Variants in CALN1 observed in about 807,000 individuals in gnomAD.
CALN1 encodes calneuron 1.
Under a neutral mutation model 30.6 loss-of-function variants are expected in CALN1, and 17 were observed. That is an observed-to-expected ratio of 0.56 (90% CI 0.38 to 0.83). CALN1 has a LOEUF of 0.83. CALN1 is among the 40% of genes least tolerant of loss of function. The pLI is 0.00. For missense variants in CALN1, 291 were observed against 354.9 expected, an observed-to-expected ratio of 0.82 and a Z score of 1.45; for synonymous variants, 156 against 131.4, an observed-to-expected ratio of 1.19 and a Z score of -1.28.
rs377277054 is a variant in CALN1, at chr7:72,336,467, G to A, written c.120-57657C>T. 2.7e-3 allele frequency among the ~76,000 whole-genome samples: 417 copies of A among 152,104 alleles called. 4 individuals carry two copies. Among genetic ancestry groups the A allele is most frequent in the Admixed American group, 0.025 (377 of 15,290 alleles). The stretch of plus-strand genomic sequence containing the variant: ...CCCCACGTCCCCAGGCAGGCGGCCA[G>A]GAGCCAGCTCCACGGAAGGCAAGGT... On this transcript the variant is annotated intron_variant, in intron 2 of 6. Coordinates refer to ENST00000395275, the MANE Select transcript of CALN1 (RefSeq NM_031468.4).
chr7:71,801,428 G>GTATCTATC (rs58500083), intron 6 of CALN1, among the ~76,000 whole-genome samples: 7,497 of 87,454 alleles, frequency 0.086, 493 homozygotes, highest in Non-Finnish European at 0.091. Context: ...ATGTATGTAT[G>GTATCTATC]TATCTATCTA....
rs528884342 is a variant in CALN1, at chr7:72,183,752, T to C, written c.245-77458A>G. Reference sequence around the variant, plus strand: ...AAACACATGCAGGGCAACTCACATTTATAGCCTCTCCATTTTTGAATGTTA... The same window carrying C: ...AAACACATGCAGGGCAACTCACATTCATAGCCTCTCCATTTTTGAATGTTA... On this transcript the variant is annotated intron_variant, in intron 3 of 6. Transcript: ENST00000395275. Among the ~76,000 whole-genome samples, 5 of 152,316 alleles carry C rather than the reference T, an allele frequency of 3.3e-5. No individual in the cohort carries two copies. The East Asian group carries it at 9.7e-4, about 29-fold the overall frequency.
At chr7:72,001,192 G>A (rs1799512038) in intron 5 of CALN1, among the ~76,000 whole-genome samples, 1 of 152,090 alleles carries the variant, frequency 6.6e-6, no homozygotes, top group African/African-American at 2.4e-5. Context: ...CAGGAGTTGG[G>A]TGAATGGACT....
At chr7:72,499,881 CTT>C in the CALN1 span, among the ~76,000 whole-genome samples, 6 of 60,830 alleles carry the variant, frequency 9.9e-5, no homozygotes, top group East Asian at 5.0e-4. Context: ...TTCTTTCTTT[CTT>C]TCTTTCTTTC....
At chr7:72,410,955 AAAG>A (rs1468113681) in intron 1 of CALN1, among the ~76,000 whole-genome samples, 1 of 145,038 alleles carries the variant, frequency 6.9e-6, no homozygotes, top group East Asian at 3.6e-4. Context: ...GAAAAGAAAT[AAAG>A]TTATTTTAAG....
intron 5 of CALN1, among the ~76,000 whole-genome samples, chr7:71,890,768 T>G (rs1272650502): frequency 1.7e-5 from 2 of 118,440 alleles, no homozygotes; most frequent in Non-Finnish European, 3.6e-5. Flanking sequence ...TTTTTTGAGA[T>G]GGTGTCTTAC....
chr7:72,338,446 G>A (rs1431187591), intron 2 of CALN1, among the ~76,000 whole-genome samples: 1 of 137,866 alleles, frequency 7.3e-6, no homozygotes, highest in Non-Finnish European at 1.5e-5. Flanking sequence ...GGGAAGTTTG[G>A]GCGTTTTTGT....
chr7:72,246,118 C>CAT (rs1476639723), intron 3 of CALN1, among the ~76,000 whole-genome samples: 1 of 152,190 alleles, frequency 6.6e-6, no homozygotes, highest in Non-Finnish European at 1.5e-5. Context: ...ATTATGATAA[C>CAT]ATCTTTCCAG....
chr7:72,038,306 G>C (rs1229885697), intron 4 of CALN1, among the ~76,000 whole-genome samples: 2 of 152,028 alleles, frequency 1.3e-5, no homozygotes, highest in Non-Finnish European at 2.9e-5. Flanking sequence ...GGTCTCCATG[G>C]ACTCCAGAAT....
intron 5 of CALN1, among the ~76,000 whole-genome samples, chr7:71,925,302 G>GAAAAA (rs1275650363): frequency 7.9e-5 from 12 of 151,700 alleles, no homozygotes; most frequent in Admixed American, 6.6e-5. Flanking sequence ...GAAAAGAAAA[G>GAAAAA]AAAGAAGAAA....
intron 3 of CALN1, among the ~76,000 whole-genome samples, chr7:72,151,289 C>T (rs1252829266): frequency 6.6e-6 from 1 of 152,104 alleles, no homozygotes; most frequent in East Asian, 1.9e-4. Flanking sequence ...CTTTAGCGTT[C>T]CTTGGCTTGT....
chr7:72,156,138 C>T (rs1327956759), intron 3 of CALN1, among the ~76,000 whole-genome samples: 2 of 152,154 alleles, frequency 1.3e-5, no homozygotes, highest in East Asian at 3.9e-4. Flanking sequence ...GGTCCAAAAT[C>T]ACCCAATGAG....
At chr7:72,185,482 T>C (rs1790121244) in intron 3 of CALN1, among the ~76,000 whole-genome samples, 1 of 152,154 alleles carries the variant, frequency 6.6e-6, no homozygotes, top group Non-Finnish European at 1.5e-5. Context: ...GCCAGCCAAC[T>C]AGGTTGTGGT....
intron 6 of CALN1, among the ~76,000 whole-genome samples, chr7:71,796,146 G>T (rs1012106701): frequency 6.6e-6 from 1 of 151,630 alleles, no homozygotes; most frequent in Middle Eastern, 3.2e-3. Context: ...TTTTATGACC[G>T]GATAATATTT....
the CALN1 span, among the ~76,000 whole-genome samples, chr7:72,474,246 G>T: frequency 1.3e-5 from 2 of 152,186 alleles, no homozygotes; most frequent in Admixed American, 6.5e-5. Context: ...AAGGGGGCTT[G>T]TTAAACAATG....
intron 5 of CALN1, among the ~76,000 whole-genome samples, chr7:72,002,193 T>C (rs1168046996): frequency 6.6e-6 from 1 of 152,212 alleles, no homozygotes; most frequent in Non-Finnish European, 1.5e-5. Flanking sequence ...ATGATGAGAT[T>C]TGATCCTGAA....
the CALN1 span, among the ~76,000 whole-genome samples, chr7:72,495,700 T>C: frequency 6.6e-6 from 1 of 152,192 alleles, no homozygotes; most frequent in Non-Finnish European, 1.5e-5. Flanking sequence ...CGGTGGGCTA[T>C]AAAGTTGCTT....
intron 2 of CALN1, among the ~76,000 whole-genome samples, chr7:72,313,068 C>A (rs1255707366): frequency 2.0e-5 from 3 of 152,110 alleles, no homozygotes; most frequent in Non-Finnish European, 4.4e-5. Flanking sequence ...CTCCTGACCT[C>A]AGGTGATCCG....
At chr7:72,270,644 A>G (rs1253989835) in intron 3 of CALN1, among the ~76,000 whole-genome samples, 1 of 151,668 alleles carries the variant, frequency 6.6e-6, no homozygotes, top group African/African-American at 2.4e-5. Flanking sequence ...GTGTGGTGAC[A>G]CACACCTGTA....
Sources: allele counts gnomAD v4.1 joint callset (sites outside exome capture counted in the v4.1 genomes callset), GRCh38; gene constraint gnomAD v4.1.1; transcripts MANE v1.5; gene names NCBI Gene and HGNC (gene_info 2026-07-23, HGNC 2026-07-21).